Variants in CNTNAP2 observed in about 807,000 individuals in gnomAD.
CNTNAP2 encodes contactin-associated protein-like 2.
Under a neutral mutation model 155.2 loss-of-function variants are expected in CNTNAP2, and 98 were observed. That is an observed-to-expected ratio of 0.63 (90% CI 0.54 to 0.75). The LOEUF (loss-of-function observed/expected upper bound fraction) is 0.75. Among genes scored for constraint, CNTNAP2 ranks in the 30% least tolerant of loss-of-function variants. The pLI is 0.00. For missense variants in CNTNAP2, 1,727 were observed against 1,688.1 expected, an observed-to-expected ratio of 1.02 and a Z score of -0.40; for synonymous variants, 651 against 631.2, an observed-to-expected ratio of 1.03 and a Z score of -0.47.
At position 147,515,321 on chromosome 7, in the gene CNTNAP2, C is replaced by CTTTTTTTTTTTTT. The variant is rs763147267; in HGVS notation, c.1777+29287_1777+29288insTTTTTTTTTTTTT. 1.2e-4 allele frequency among the ~76,000 whole-genome samples: 15 copies of CTTTTTTTTTTTTT among 126,162 alleles called. 1 individual carries two copies. Among genetic ancestry groups the CTTTTTTTTTTTTT allele is most frequent in the Non-Finnish European group, 2.0e-4 (12 of 60,500 alleles). 82.8% of individuals were successfully genotyped at this position (126,162 alleles called of 152,430 possible). ...ATTTTTCTTCATAGTTCATTATATT[C>CTTTTTTTTTTTTT]TTTTTTTGTTTGTTTGTTTTGAGAC... On this transcript the variant is annotated intron_variant, in intron 11 of 23. Coordinates refer to ENST00000361727, the MANE Select transcript of CNTNAP2 (RefSeq NM_014141.6).
Position 146,167,074 on chromosome 7 carries a change from C to T in CNTNAP2, c.97+50101C>T, listed in dbSNP as rs568983226. Among the ~76,000 whole-genome samples the T allele has an allele frequency of 3.9e-5, 6 of 152,166 alleles. No homozygotes were observed. The East Asian group carries it at 5.8e-4, about 15-fold the overall frequency. On this transcript the variant is annotated intron_variant, in intron 1 of 23. Coordinates refer to ENST00000361727, the MANE Select transcript of CNTNAP2 (RefSeq NM_014141.6). ...ATTTTAATTGATAGTGACAACTGGG[C>T]GCATAGCAGTTGCTCTGTAAACTCA...
At chr7:147,958,853 G>A (rs1265083170) in intron 14 of CNTNAP2, among the ~76,000 whole-genome samples, 2 of 152,074 alleles carry the variant, frequency 1.3e-5, no homozygotes, top group Non-Finnish European at 1.5e-5. Flanking sequence ...AAAGCCTTGT[G>A]CATATGAATT....
intron 3 of CNTNAP2, among the ~76,000 whole-genome samples, chr7:146,965,255 G>T (rs928234001): frequency 6.6e-6 from 1 of 152,050 alleles, no homozygotes; most frequent in Non-Finnish European, 1.5e-5. Flanking sequence ...AGAGCATAAT[G>T]GAACCCTGGG....
chr7:147,201,249 G>A (rs116169493), intron 8 of CNTNAP2, among the ~76,000 whole-genome samples: 3,223 of 152,148 alleles, frequency 0.021, 95 homozygotes, highest in African/African-American at 0.071. Flanking sequence ...TTCCTTTTAG[G>A]AAATACTGAA....
At chr7:147,434,877 C>G (rs114463140) in intron 10 of CNTNAP2, among the ~76,000 whole-genome samples, 5 of 152,190 alleles carry the variant, frequency 3.3e-5, no homozygotes, top group South Asian at 2.1e-4. Flanking sequence ...GTGGCAGTAA[C>G]CTAAAAGACT....
intron 13 of CNTNAP2, among the ~76,000 whole-genome samples, chr7:147,646,564 T>G (rs1795366821): frequency 6.6e-6 from 1 of 151,584 alleles, no homozygotes; most frequent in Non-Finnish European, 1.5e-5. Flanking sequence ...TAGTCAAGAC[T>G]GACCTATCTC....
intron 20 of CNTNAP2, among the ~76,000 whole-genome samples, chr7:148,266,362 G>C (rs946996843): frequency 6.6e-6 from 1 of 152,170 alleles, no homozygotes; most frequent in African/African-American, 2.4e-5. Context: ...GCCACACAGG[G>C]ACACAAAGGG....
rs1406090754 is a variant in CNTNAP2 at position 147,208,553 on chromosome 7, G to A, written c.1348+76044G>A. On this transcript the variant is annotated intron_variant, in intron 8 of 23. Transcript: ENST00000361727. ...TATTTACTGTCCCCTATGACTATCT[G>A]AAAGACCTAGCTTAATGAAGATTGA... Among the ~76,000 whole-genome samples, 4 of 152,088 alleles carry A rather than the reference G, an allele frequency of 2.6e-5. No homozygotes were observed. In the East Asian group the frequency reaches 7.7e-4, roughly 29 times the overall value.
chr7:148,371,059 A>G (rs182543431), intron 21 of CNTNAP2, among the ~76,000 whole-genome samples: 95 of 152,256 alleles, frequency 6.2e-4, no homozygotes, highest in African/African-American at 1.5e-3. Context: ...TGACCACCCC[A>G]GGGGATGGTC....
chr7:148,232,502 A>G (rs1795981787), intron 20 of CNTNAP2, among the ~76,000 whole-genome samples: 1 of 152,214 alleles, frequency 6.6e-6, no homozygotes, highest in African/African-American at 2.4e-5. Context: ...CCCATTTTCT[A>G]TTATAAGCAC....
intron 18 of CNTNAP2, among the ~76,000 whole-genome samples, chr7:148,203,069 G>A (rs1458427194): frequency 6.6e-6 from 1 of 152,044 alleles, no homozygotes; most frequent in Non-Finnish European, 1.5e-5. Flanking sequence ...GTTTCCTTGA[G>A]GTGAATCTTT....
At chr7:146,982,766 G>A (rs1798042865) in intron 3 of CNTNAP2, among the ~76,000 whole-genome samples, 1 of 152,224 alleles carries the variant, frequency 6.6e-6, no homozygotes, top group Admixed American at 6.5e-5. Flanking sequence ...AATGCAAAAT[G>A]TGTTGCTGCA....
At chr7:146,661,925 A>G (rs144104576) in intron 1 of CNTNAP2, among the ~76,000 whole-genome samples, 5 of 152,268 alleles carry the variant, frequency 3.3e-5, no homozygotes, top group African/African-American at 9.6e-5. Context: ...TAGCCAAAAA[A>G]TATAAAAGTT....
intron 21 of CNTNAP2, among the ~76,000 whole-genome samples, chr7:148,354,856 C>T (rs1039068191): frequency 3.3e-5 from 5 of 152,166 alleles, no homozygotes; most frequent in African/African-American, 1.2e-4. Flanking sequence ...CAGACCCTAG[C>T]ACACACCCCA....
At chr7:146,334,347 C>T (rs977679516) in intron 1 of CNTNAP2, among the ~76,000 whole-genome samples, 2 of 150,538 alleles carry the variant, frequency 1.3e-5, no homozygotes, top group South Asian at 2.1e-4. Context: ...AGGAGAATGG[C>T]GTGAACCCGG....
At chr7:147,927,925 G>T (rs1800426328) in intron 14 of CNTNAP2, among the ~76,000 whole-genome samples, 1 of 152,116 alleles carries the variant, frequency 6.6e-6, no homozygotes, top group African/African-American at 2.4e-5. Flanking sequence ...ATATGGTTTG[G>T]CTGTGTCCCC....
At chr7:146,985,463 G>C (rs1006356453) in intron 3 of CNTNAP2, among the ~76,000 whole-genome samples, 2 of 151,016 alleles carry the variant, frequency 1.3e-5, no homozygotes, top group African/African-American at 4.9e-5. Flanking sequence ...GACTACAGGC[G>C]CCTGCCACCA....
chr7:147,428,839 T>A (rs1260488161), intron 10 of CNTNAP2, among the ~76,000 whole-genome samples: 1 of 152,086 alleles, frequency 6.6e-6, no homozygotes, highest in Non-Finnish European at 1.5e-5. Context: ...ATGGAAAAGA[T>A]ATTTAGGGGT....
In CNTNAP2 at chr7:147,903,672, T is replaced by C. The variant is rs1478186825; in HGVS notation, c.2206T>C (p.Cys736Arg). ...ATGTGCCTGCGGCATCGAACGCAAC[T>C]GCACAGATCCCAAGTACTACTGTAA... ...QKCACGIERN[C>R]TDPKYYCNCD... Residue 736 changes from cysteine to arginine, a missense_variant, in exon 14 of 24, where the codon TGC becomes CGC. Coordinates refer to ENST00000361727, the MANE Select transcript of CNTNAP2 (RefSeq NM_014141.6). 1.2e-6 allele frequency: 2 copies of C among 1,613,908 alleles called. No homozygotes were observed. The highest frequency in any genetic ancestry group is 1.7e-5 in the Admixed American group (1 of 59,984).
Sources: gnomAD v4.1 joint callset for allele counts (sites outside exome capture counted in the v4.1 genomes callset) on GRCh38, gnomAD v4.1.1 for gene constraint, MANE v1.5 for transcripts, NCBI Gene and HGNC (gene_info 2026-07-23, HGNC 2026-07-21) for gene names.